Variants in PRLR observed in about 807,000 individuals in gnomAD.
PRLR encodes prolactin receptor.
A neutral mutation model predicts 40.2 loss-of-function variants in PRLR; 13 were observed. The observed-to-expected ratio is 0.32, with a 90% CI of 0.21 to 0.51. The LOEUF (loss-of-function observed/expected upper bound fraction) is 0.51. Ranked by LOEUF, PRLR falls within the 20% of genes least tolerant of loss-of-function variation. PRLR has a pLI of 0.97. For synonymous variants in PRLR, 269 were observed against 278.7 expected (o/e 0.97, Z 0.35); for missense variants, 656 against 747.3 (o/e 0.88, Z 1.42).
At chr5:35,083,544 G>A (rs1231777022) in intron 5 of PRLR, among the ~76,000 whole-genome samples, 7 of 146,754 alleles carry the variant, frequency 4.8e-5, no homozygotes, top group Non-Finnish European at 1.0e-4. Flanking sequence ...TTTTGATGTG[G>A]AGTCTCGCTC....
At chr5:35,110,909 C>G (rs1772619801) in intron 2 of PRLR, among the ~76,000 whole-genome samples, 1 of 152,306 alleles carries the variant, frequency 6.6e-6, no homozygotes, top group East Asian at 1.9e-4. Flanking sequence ...TTCTCCAAAG[C>G]TGGATCATGC....
intron 5 of PRLR, among the ~76,000 whole-genome samples, chr5:35,076,704 G>A (rs1770122403): frequency 6.6e-6 from 1 of 152,124 alleles, no homozygotes; most frequent in African/African-American, 2.4e-5. Flanking sequence ...ATGCCACAAA[G>A]GTACTCCTCG....
At chr5:35,146,618 C>T (rs949837515) in intron 1 of PRLR, among the ~76,000 whole-genome samples, 1 of 152,146 alleles carries the variant, frequency 6.6e-6, no homozygotes, top group Non-Finnish European at 1.5e-5. Flanking sequence ...ATGGGGCACC[C>T]CACAGACTGT....
chr5:35,091,104 G>T (rs1489379054), intron 2 of PRLR, among the ~76,000 whole-genome samples: 1 of 152,110 alleles, frequency 6.6e-6, no homozygotes, highest in Non-Finnish European at 1.5e-5. Flanking sequence ...GAGCCACCGT[G>T]CCCGGCCAAG....
chr5:35,108,704 T>C lies in PRLR; in HGVS notation c.-44+9357A>G, dbSNP rs561160801. Among the ~76,000 whole-genome samples the C allele has an allele frequency of 5.9e-5, 9 of 152,124 alleles. No individual in the cohort carries two copies. In the South Asian group the frequency reaches 1.9e-3, roughly 32 times the overall value. On this transcript the variant is annotated intron_variant, in intron 2 of 9. Transcript: ENST00000618457. ...AGGAGAACTACAAACCACTGCTCCA[T>C]GAAATAAAAGAGGACATAAACAAAT...
At chr5:35,092,009 G>A (rs1011510583) in intron 2 of PRLR, among the ~76,000 whole-genome samples, 1 of 152,170 alleles carries the variant, frequency 6.6e-6, no homozygotes, top group Non-Finnish European at 1.5e-5. Context: ...TGTCGAAGCA[G>A]GGCTCCATGC....
intron 1 of PRLR, among the ~76,000 whole-genome samples, chr5:35,163,533 G>A (rs1291595090): frequency 6.6e-6 from 1 of 152,208 alleles, no homozygotes; most frequent in Non-Finnish European, 1.5e-5. Context: ...GAACATGAGT[G>A]GAAGGAGTGA....
chr5:35,095,508 T>C (rs1431113107), intron 2 of PRLR, among the ~76,000 whole-genome samples: 1 of 152,108 alleles, frequency 6.6e-6, no homozygotes, highest in Admixed American at 6.5e-5. Context: ...AAACTGAGGA[T>C]ATAGTGCCAA....
intron 1 of PRLR, among the ~76,000 whole-genome samples, chr5:35,154,644 T>C (rs1774434217): frequency 6.6e-6 from 1 of 152,124 alleles, no homozygotes; most frequent in Admixed American, 6.6e-5. Flanking sequence ...ACCGAGTATA[T>C]ACCCAAAGGA....
intron 1 of PRLR, among the ~76,000 whole-genome samples, chr5:35,191,321 C>T (rs1407497458): frequency 1.3e-5 from 2 of 149,184 alleles, no homozygotes; most frequent in African/African-American, 2.5e-5. Flanking sequence ...CCGCCCGCCT[C>T]GGCCTCCCAA....
At chr5:35,230,200 G>C (rs142165087) in intron 1 of PRLR, 68 bp downstream of exon 1, 5,011 of 152,330 alleles carry the variant, frequency 0.033, 112 homozygotes, top group Middle Eastern at 0.071. Flanking sequence ...GCATCCCGGA[G>C]AGCGGCCGCC....
In PRLR at chr5:35,113,218, C is replaced by T. The variant is rs1349061113; in HGVS notation, c.-44+4843G>A. Reference sequence around the variant, plus strand: ...TCCATCCATCCATCCATTAACCTACCCACCCATCTTTCCATCCATCTATCA... The same window carrying T: ...TCCATCCATCCATCCATTAACCTACTCACCCATCTTTCCATCCATCTATCA... On this transcript the variant is annotated intron_variant, in intron 2 of 9. Coordinates refer to ENST00000618457, the MANE Select transcript of PRLR (RefSeq NM_000949.7). 2.7e-5 allele frequency among the ~76,000 whole-genome samples: 4 copies of T among 150,890 alleles called. No homozygotes were observed. The East Asian group carries it at 7.9e-4, about 30-fold the overall frequency.
chr5:35,173,282 G>A (rs1016330994), intron 1 of PRLR, among the ~76,000 whole-genome samples: 1 of 152,188 alleles, frequency 6.6e-6, no homozygotes, highest in Non-Finnish European at 1.5e-5. Context: ...ATTTTTACAA[G>A]AGCCTCTTAC....
In PRLR at chr5:35,216,336, G is replaced by A. The variant is rs1464059891; in HGVS notation, c.-106+13932C>T. Reference sequence around the variant, plus strand: ...ATTGAGTTCTTTGGTATATTCTCAGGAAGGTTCAGTTTGGAGGAGGAAGGG... The same window carrying A: ...ATTGAGTTCTTTGGTATATTCTCAGAAAGGTTCAGTTTGGAGGAGGAAGGG... On this transcript the variant is annotated intron_variant, in intron 1 of 9. Transcript: ENST00000618457. 2.0e-5 allele frequency among the ~76,000 whole-genome samples: 3 copies of A among 152,130 alleles called. No individual in the cohort carries two copies. In the East Asian group the frequency reaches 5.8e-4, roughly 29 times the overall value.
At chr5:35,177,596 C>T (rs549813199) in intron 1 of PRLR, among the ~76,000 whole-genome samples, 2 of 152,254 alleles carry the variant, frequency 1.3e-5, no homozygotes, top group East Asian at 3.9e-4. Context: ...CCTTTACTTA[C>T]CATAACATTT....
intron 1 of PRLR, among the ~76,000 whole-genome samples, chr5:35,139,880 A>G (rs1773966429): frequency 6.6e-6 from 1 of 152,222 alleles, no homozygotes; most frequent in Non-Finnish European, 1.5e-5. Flanking sequence ...AATGGAGAAT[A>G]AACTGGAGAA....
At chr5:35,102,663 C>A (rs1360455851) in intron 2 of PRLR, among the ~76,000 whole-genome samples, 2 of 151,972 alleles carry the variant, frequency 1.3e-5, no homozygotes, top group African/African-American at 2.4e-5. Context: ...CTGTCTTAGC[C>A]TCCCGAGTAG....
At chr5:35,141,402 G>T (rs929158963) in intron 1 of PRLR, among the ~76,000 whole-genome samples, 2 of 152,170 alleles carry the variant, frequency 1.3e-5, no homozygotes, top group African/African-American at 2.4e-5. Flanking sequence ...CATGGAAGGG[G>T]TTTAAAAGGT....
chr5:35,119,064 GGATTATA>G (rs1773180765), intron 1 of PRLR, among the ~76,000 whole-genome samples: 1 of 152,020 alleles, frequency 6.6e-6, no homozygotes, highest in African/African-American at 2.4e-5. Context: ...CAAAGTGCTG[GGATTATA>G]GGTGTGAACC....
Sources: allele counts gnomAD v4.1 joint callset (sites outside exome capture counted in the v4.1 genomes callset), GRCh38; gene constraint gnomAD v4.1.1; transcripts MANE v1.5; gene names NCBI Gene and HGNC (gene_info 2026-07-23, HGNC 2026-07-21).